The following PDE1C variants were observed in gnomAD, a reference collection of about 807,000 sequenced individuals.
The protein encoded by PDE1C is dual specificity calcium/calmodulin-dependent 3',5'-cyclic nucleotide phosphodiesterase 1C.
PDE1C carries 62 observed loss-of-function variants against 93.1 expected under a neutral mutation model. The ratio of observed to expected loss-of-function variants is 0.67; its 90% confidence interval spans 0.54 to 0.82. The LOEUF is 0.82. PDE1C is among the 40% of genes least tolerant of loss of function. The pLI, the probability that PDE1C is intolerant of heterozygous loss-of-function variation, is 0.00. For synonymous variants in PDE1C, 325 were observed against 310.1 expected, an observed-to-expected ratio of 1.05 and a Z score of -0.50; for missense variants, 742 against 884.6, an observed-to-expected ratio of 0.84 and a Z score of 2.04.
chr7:31,910,789 G>A (rs1801129852), intron 2 of PDE1C, among the ~76,000 whole-genome samples: 2 of 152,150 alleles, frequency 1.3e-5, no homozygotes, highest in South Asian at 4.1e-4. Context: ...GGGGAAAATA[G>A]CAGCTTTATC....
the PDE1C span, among the ~76,000 whole-genome samples, chr7:31,631,786 A>G: frequency 2.0e-5 from 3 of 152,240 alleles, no homozygotes; most frequent in Non-Finnish European, 4.4e-5. Context: ...AGAAATCTTC[A>G]TAGGATAGAG....
rs994358785 is a variant in PDE1C, at chr7:32,426,307, T to A, written c.310+1515A>T. On this transcript the variant is annotated intron_variant, in intron 1 of 1. Coordinates refer to the PDE1C transcript ENST00000672256. ...TTTTTTTTTTGAGATAGGGTCTTAC[T>A]TTGTCACCCAGGCTGGAGTGCAATG... is the stretch of plus-strand genomic sequence containing the variant. Among the ~76,000 whole-genome samples the A allele has an allele frequency of 4.6e-5, 7 of 151,798 alleles. No homozygotes were observed. In the East Asian group the frequency reaches 7.7e-4, roughly 17 times the overall value.
chr7:32,290,609 C>G (rs977645470), intron 1 of PDE1C, among the ~76,000 whole-genome samples: 1 of 152,160 alleles, frequency 6.6e-6, no homozygotes, highest in East Asian at 1.9e-4. Context: ...AGAACTGGGT[C>G]TAGAGCCCAG....
At chr7:32,227,142 G>A (rs937829517) in intron 1 of PDE1C, among the ~76,000 whole-genome samples, 2 of 152,180 alleles carry the variant, frequency 1.3e-5, no homozygotes, top group African/African-American at 4.8e-5. Context: ...GGCTACGACC[G>A]GGAACCCTGA....
At chr7:32,084,650 G>A (rs886181762) in intron 3 of PDE1C, among the ~76,000 whole-genome samples, 1 of 150,850 alleles carries the variant, frequency 6.6e-6, no homozygotes, top group African/African-American at 2.4e-5. Context: ...ATAACAAACT[G>A]TCTCTCAGAC....
At chr7:32,124,445 T>A (rs1261885886) in intron 3 of PDE1C, among the ~76,000 whole-genome samples, 3 of 152,174 alleles carry the variant, frequency 2.0e-5, no homozygotes, top group Non-Finnish European at 4.4e-5. Context: ...GCTACCTGAC[T>A]TCAAACTATA....
chr7:31,617,774 GAAGATAATA>G, the PDE1C span, among the ~76,000 whole-genome samples: 2 of 152,100 alleles, frequency 1.3e-5, no homozygotes, highest in African/African-American at 4.8e-5. Context: ...GGTTGAAATT[GAAGATAATA>G]AAGATAAAAT....
At chr7:31,722,531 C>A in the PDE1C span, among the ~76,000 whole-genome samples, 1 of 152,168 alleles carries the variant, frequency 6.6e-6, no homozygotes, top group Non-Finnish European at 1.5e-5. Flanking sequence ...ACTGGCTACA[C>A]TGGGGCTATG....
intron 2 of PDE1C, among the ~76,000 whole-genome samples, chr7:31,996,081 A>ACG (rs1275144870): frequency 1.6e-5 from 2 of 126,570 alleles, no homozygotes; most frequent in African/African-American, 5.2e-5. Context: ...ACACACACAC[A>ACG]CACACACACA....
chr7:31,841,746 T>A (rs1476329475), intron 9 of PDE1C, among the ~76,000 whole-genome samples: 1 of 127,912 alleles, frequency 7.8e-6, no homozygotes, highest in Non-Finnish European at 1.8e-5. Flanking sequence ...GAGAAACCAA[T>A]AGGATAGAAA....
chr7:32,297,602 C>T (rs1812665620), intron 1 of PDE1C, among the ~76,000 whole-genome samples: 1 of 152,136 alleles, frequency 6.6e-6, no homozygotes, highest in Non-Finnish European at 1.5e-5. Flanking sequence ...CAAGCACCCA[C>T]CTCTTCAAAT....
At position 32,226,480 on chromosome 7, in the gene PDE1C, C is replaced by T. The variant is rs1388551574; in HGVS notation, c.86-16941G>A. ...CAGGGTCTGTTTTTAAACATCATAA[C>T]GGGTAATGATTAGTATAATGAGGAG... On this transcript the variant is annotated intron_variant, in intron 1 of 18. Coordinates refer to the PDE1C transcript ENST00000396193. 3.9e-5 allele frequency among the ~76,000 whole-genome samples: 6 copies of T among 152,210 alleles called. No individual in the cohort carries two copies. In the East Asian group the frequency reaches 5.8e-4, roughly 15 times the overall value.
chr7:31,824,905 T>G lies in PDE1C; in HGVS notation c.1368A>C (p.Glu456Asp). The change falls in exon 13 of 18, where the codon GAA becomes GAC. Residue 456 changes from glutamate to aspartate, a missense_variant. Coordinates refer to ENST00000396191, the MANE Select transcript of PDE1C (RefSeq NM_001191057.4). ...GTCCTGTCCCACCAGTTTGAGAGGT[T>G]TCATCGATTAATGGACTCACAATCT... is the stretch of plus-strand genomic sequence containing the variant. ...TEKIVSPLID[E>D]TSQTGGTGQR... 1 of 1,613,196 alleles carries G rather than the reference T, an allele frequency of 6.2e-7. No homozygotes were observed. The highest frequency in any genetic ancestry group is 8.5e-7 in the Non-Finnish European group (1 of 1,179,466).
At chr7:31,641,394 C>A in the PDE1C span, among the ~76,000 whole-genome samples, 1 of 152,124 alleles carries the variant, frequency 6.6e-6, no homozygotes, top group African/African-American at 2.4e-5. Context: ...AAGGAGGCCA[C>A]CTTGCAACCC....
chr7:32,427,732 A>G (rs1785563305), intron 1 of PDE1C, among the ~76,000 whole-genome samples: 1 of 152,208 alleles, frequency 6.6e-6, no homozygotes, highest in Non-Finnish European at 1.5e-5. Flanking sequence ...GAAACGGGAA[A>G]TCCTGCGGGA....
At chr7:32,199,113 A>C (rs1804824529) in intron 2 of PDE1C, among the ~76,000 whole-genome samples, 1 of 151,264 alleles carries the variant, frequency 6.6e-6, no homozygotes, top group East Asian at 1.9e-4. Context: ...ACAAGAGCAA[A>C]ACTACCAAAA....
At position 32,212,268 on chromosome 7, in the gene PDE1C, C is replaced by T. The variant is rs140701296; in HGVS notation, c.86-2729G>A. Among the ~76,000 whole-genome samples, 27 of 152,232 alleles carry T rather than the reference C, an allele frequency of 1.8e-4. No individual in the cohort carries two copies. The East Asian group carries it at 2.1e-3, about 12-fold the overall frequency. ...GAGACACCAATGTCACTATTTCACA[C>T]GCAGCAATAGCCACATCTTCACTCA... On this transcript the variant is annotated intron_variant, in intron 1 of 18. Transcript: ENST00000396193.
At chr7:32,341,752 T>C (rs1269620307) in intron 1 of PDE1C, among the ~76,000 whole-genome samples, 2 of 152,166 alleles carry the variant, frequency 1.3e-5, no homozygotes, top group Non-Finnish European at 2.9e-5. Flanking sequence ...CCTGCAGCAC[T>C]GAAAACACAC....
the PDE1C span, chr7:31,651,869 G>C: frequency 9.8e-7 from 1 of 1,019,246 alleles, no homozygotes; most frequent in East Asian, 2.7e-5. Context: ...CCTATATTAT[G>C]AGGTGACAAT....
Sources: allele counts gnomAD v4.1 joint callset (sites outside exome capture counted in the v4.1 genomes callset), GRCh38; gene constraint gnomAD v4.1.1; transcripts MANE v1.5; gene names NCBI Gene and HGNC (gene_info 2026-07-23, HGNC 2026-07-21).